Variants in SAMD5 observed in about 807,000 individuals in gnomAD.
SAMD5 encodes the protein sterile alpha motif domain-containing protein 5.
SAMD5 carries 13 observed loss-of-function variants against 11.3 expected under a neutral mutation model. The ratio of observed to expected loss-of-function variants is 1.15; its 90% CI spans 0.75 to 1.83. The LOEUF (loss-of-function observed/expected upper bound fraction) is 1.83. Ranked by LOEUF, SAMD5 falls within the 40% of genes most tolerant of loss-of-function variation. The pLI is 0.00. For synonymous variants in SAMD5, 129 were observed against 111.3 expected (o/e 1.16, Z -1.00); for missense variants, 255 against 239.1 (o/e 1.07, Z -0.44).
the SAMD5 span, among the ~76,000 whole-genome samples, chr6:147,938,415 C>T: frequency 7.9e-5 from 12 of 152,150 alleles, no homozygotes; most frequent in Admixed American, 3.3e-4. Flanking sequence ...ACAAGGGATG[C>T]TCAATGGAAA....
intron 1 of SAMD5, among the ~76,000 whole-genome samples, chr6:147,720,018 C>G (rs1269764302): frequency 6.6e-6 from 1 of 152,194 alleles, no homozygotes; most frequent in African/African-American, 2.4e-5. Context: ...CTTCATTGCT[C>G]TGGCTGTGTT....
chr6:147,682,082 C>A (rs1449825128), intron 1 of SAMD5, among the ~76,000 whole-genome samples: 1 of 152,202 alleles, frequency 6.6e-6, no homozygotes, highest in African/African-American at 2.4e-5. Context: ...CTCCTGCCAC[C>A]TTACCTGCCC....
chr6:147,789,212 A>G, the SAMD5 span, among the ~76,000 whole-genome samples: 1 of 152,046 alleles, frequency 6.6e-6, no homozygotes, highest in Admixed American at 6.6e-5. Flanking sequence ...ACTTACTGTG[A>G]GCAAGGATGA....
the SAMD5 span, among the ~76,000 whole-genome samples, chr6:147,846,183 A>G: frequency 6.6e-6 from 1 of 152,208 alleles, no homozygotes; most frequent in Non-Finnish European, 1.5e-5. Context: ...TATAAACATT[A>G]CAGAAATGAA....
chr6:147,947,206 G>A, the SAMD5 span, among the ~76,000 whole-genome samples: 3 of 152,124 alleles, frequency 2.0e-5, no homozygotes, highest in Admixed American at 6.6e-5. Context: ...TTGCTTGCCT[G>A]TGGTTGTATG....
the SAMD5 span, among the ~76,000 whole-genome samples, chr6:147,850,938 A>G: frequency 2.0e-5 from 3 of 147,430 alleles, no homozygotes; most frequent in African/African-American, 7.6e-5. Flanking sequence ...ACCTATGGTT[A>G]TAATTGTTCT....
chr6:147,863,385 A>T, the SAMD5 span, among the ~76,000 whole-genome samples: 1 of 152,204 alleles, frequency 6.6e-6, no homozygotes, highest in Non-Finnish European at 1.5e-5. Context: ...CTGTGCCCTG[A>T]TTTGTAAGAT....
chr6:147,896,574 G>A, the SAMD5 span, among the ~76,000 whole-genome samples: 49 of 152,112 alleles, frequency 3.2e-4, no homozygotes, highest in East Asian at 6.8e-3. Context: ...GAGACGGGAT[G>A]TGCAAAAATT....
At chr6:147,761,736 C>T in the SAMD5 span, among the ~76,000 whole-genome samples, 13 of 152,094 alleles carry the variant, frequency 8.5e-5, no homozygotes, top group African/African-American at 2.4e-4. Flanking sequence ...TTTTTTGAGA[C>T]GGAGTCTCAC....
At chr6:147,626,794 A>G (rs1379102744) in intron 1 of SAMD5, among the ~76,000 whole-genome samples, 3 of 80,198 alleles carry the variant, frequency 3.7e-5, no homozygotes, top group African/African-American at 2.3e-4. Context: ...TTTCTATGAA[A>G]AAAAAAAAAA....
the SAMD5 span, among the ~76,000 whole-genome samples, chr6:147,844,321 AT>A: frequency 1.3e-5 from 2 of 152,216 alleles, no homozygotes; most frequent in Non-Finnish European, 2.9e-5. Flanking sequence ...TAGATTGGCT[AT>A]TATCAAAAAG....
At chr6:147,696,620 C>T (rs1455979178) in intron 1 of SAMD5, among the ~76,000 whole-genome samples, 1 of 152,116 alleles carries the variant, frequency 6.6e-6, no homozygotes, top group African/African-American at 2.4e-5. Flanking sequence ...CTTCAAAGCC[C>T]TAATACAAAA....
At chr6:147,533,574 G>A (rs760066747) in intron 1 of SAMD5, among the ~76,000 whole-genome samples, 16 of 152,082 alleles carry the variant, frequency 1.1e-4, no homozygotes, top group Non-Finnish European at 1.5e-5. Flanking sequence ...AGAAGACAGC[G>A]AGGAGAGAGT....
rs551410281 is a variant in SAMD5, at chr6:147,548,837, A to G, written c.460-15557A>G. Among the ~76,000 whole-genome samples, 20 of 152,132 alleles carry G rather than the reference A, an allele frequency of 1.3e-4. No individual in the cohort carries two copies. In the South Asian group the frequency reaches 4.0e-3, roughly 30 times the overall value. ...TGAAAATGAAGGCAGAGTATGACAGATTGTATTTCTCCTCTTGAAATCACC... is the reference window on the plus strand; with the variant it reads ...TGAAAATGAAGGCAGAGTATGACAGGTTGTATTTCTCCTCTTGAAATCACC... On this transcript the variant is annotated intron_variant, in intron 1 of 1. Coordinates refer to ENST00000367474, the MANE Select transcript of SAMD5 (RefSeq NM_001030060.3).
At chr6:147,672,509 T>G (rs1331639204) in intron 1 of SAMD5, among the ~76,000 whole-genome samples, 1 of 152,196 alleles carries the variant, frequency 6.6e-6, no homozygotes, top group Non-Finnish European at 1.5e-5. Flanking sequence ...TGTACTCTAT[T>G]CTTTTGAGAA....
the SAMD5 span, among the ~76,000 whole-genome samples, chr6:147,870,431 GGTGTGTGTGTGTGTGTGAGTGTGTGT>G: frequency 1.4e-5 from 2 of 138,304 alleles, no homozygotes; most frequent in South Asian, 2.3e-4. Flanking sequence ...CATCCCCTTT[GGTGTGTGTGTGTGTGTGAGTGTGTGT>G]GTGTGTGTGT....
the SAMD5 span, among the ~76,000 whole-genome samples, chr6:147,923,607 T>A: frequency 6.6e-6 from 1 of 152,198 alleles, no homozygotes; most frequent in Non-Finnish European, 1.5e-5. Context: ...GTGAGAAAAC[T>A]GGTTGAGGGA....
rs1789035379 is a variant in SAMD5 at position 147,566,045 on chromosome 6, T to C, written c.*1589T>C. 1.0e-6 allele frequency: 1 copy of C among 985,058 alleles called. No individual in the cohort carries two copies. The highest frequency in any genetic ancestry group is 1.2e-6 in the Non-Finnish European group (1 of 829,612). 61.0% of individuals were successfully genotyped at this position (985,058 alleles called of 1,614,324 possible). On this transcript the variant is annotated 3_prime_UTR_variant, in exon 2 of 2. Transcript: ENST00000367474. ...CCTGGTCCATTTTGGTTCCTAAGAA[T>C]AGATAGGCCATTAAGAAGGATATTA...
At chr6:147,511,075 G>A (rs1178663534) in intron 1 of SAMD5, among the ~76,000 whole-genome samples, 1 of 152,198 alleles carries the variant, frequency 6.6e-6, no homozygotes, top group Non-Finnish European at 1.5e-5. Context: ...ACTTGATAAG[G>A]GCACAGTTCA....
Sources: allele counts gnomAD v4.1 joint callset (sites outside exome capture counted in the v4.1 genomes callset), GRCh38; gene constraint gnomAD v4.1.1; transcripts MANE v1.5; gene names NCBI Gene and HGNC (gene_info 2026-07-23, HGNC 2026-07-21).